Variants in SLC39A11 observed in about 807,000 individuals in gnomAD.
SLC39A11 encodes zinc transporter ZIP11.
Under a neutral mutation model 36.1 loss-of-function variants are expected in SLC39A11, and 33 were observed. That is an observed-to-expected ratio of 0.91 (90% CI 0.69 to 1.22). SLC39A11 has a LOEUF of 1.22. SLC39A11 is among the 50% of genes most tolerant of loss of function. SLC39A11 has a pLI of 0.00. For missense variants in SLC39A11, 432 were observed against 430.3 expected, an observed-to-expected ratio of 1.00 and a Z score of -0.03; for synonymous variants, 166 against 170.3, an observed-to-expected ratio of 0.97 and a Z score of 0.20.
intron 7 of SLC39A11, among the ~76,000 whole-genome samples, chr17:72,674,775 A>G (rs2144216540): frequency 6.6e-6 from 1 of 152,298 alleles, no homozygotes; most frequent in Non-Finnish European, 1.5e-5. Context: ...TACAACTAGC[A>G]TGTTTATAAT....
intron 4 of SLC39A11, among the ~76,000 whole-genome samples, chr17:72,962,933 C>G (rs570575750): frequency 6.6e-6 from 1 of 152,266 alleles, no homozygotes; most frequent in East Asian, 1.9e-4. Flanking sequence ...TTAGCTTCTG[C>G]AAGACCAGCA....
intron 7 of SLC39A11, among the ~76,000 whole-genome samples, chr17:72,652,772 G>A (rs559637656): frequency 1.4e-4 from 21 of 152,220 alleles, no homozygotes; most frequent in Admixed American, 5.9e-4. Flanking sequence ...TCACTCATTT[G>A]CTCTTGTTGA....
intron 7 of SLC39A11, among the ~76,000 whole-genome samples, chr17:72,732,040 CTTTTTTTTTTTTTT>C (rs764728558): frequency 8.6e-4 from 29 of 33,668 alleles, no homozygotes; most frequent in Non-Finnish European, 1.4e-3. Context: ...CTTTTCTTTT[CTTTTTTTTTTTTTT>C]TTTTTTTTTT....
intron 7 of SLC39A11, among the ~76,000 whole-genome samples, chr17:72,715,358 A>G (rs536341328): frequency 6.6e-6 from 1 of 152,356 alleles, no homozygotes; most frequent in Admixed American, 6.5e-5. Flanking sequence ...TCATGTTCAC[A>G]AGCAGCACTA....
chr17:73,073,377 A>G (rs2060223000), intron 3 of SLC39A11, among the ~76,000 whole-genome samples: 2 of 151,568 alleles, frequency 1.3e-5, no homozygotes, highest in Admixed American at 1.3e-4. Flanking sequence ...TTAGAGAGGG[A>G]CCCTCCCCCA....
In SLC39A11 at chr17:72,649,191, A is replaced by T; in HGVS notation, c.749T>A (p.Phe250Tyr). 1 of 1,614,000 alleles carries T rather than the reference A, an allele frequency of 6.2e-7. No individual in the cohort carries two copies. Among genetic ancestry groups the T allele is most frequent in the South Asian group, 1.1e-5 (1 of 91,056 alleles). ...TCACCAGAAAGCTCTCCAGGTGGAG[A>T]AGCCTGCCCCTCGCAAGGGAAGGCT... Reference protein sequence around the residue: ...AVSLPLRGAGFSTWRAFWYGQ... With the variant: ...AVSLPLRGAGYSTWRAFWYGQ... Residue 250 changes from phenylalanine (F) to tyrosine (Y), a missense_variant, in exon 8 of 10, where the codon TTC becomes TAC. Physicochemically the swap from Phe to Tyr is conservative, Grantham distance 22. Coordinates refer to ENST00000255559, the MANE Select transcript of SLC39A11 (RefSeq NM_139177.4).
chr17:72,802,328 G>A (rs11650694), intron 6 of SLC39A11, among the ~76,000 whole-genome samples: 8,242 of 152,212 alleles, frequency 0.054, 263 homozygotes, highest in Non-Finnish European at 0.073. Flanking sequence ...GGTAGTACAT[G>A]CCTGTAATCC....
chr17:72,693,235 C>T lies in SLC39A11; in HGVS notation c.671+43415G>A, dbSNP rs551734051. ...CTGGGCCCACCCACCCTCCCACTGT[C>T]CTCTTGTCCCAGGAAGCTGTGTGAG... is the stretch of plus-strand genomic sequence containing the variant. On this transcript the variant is annotated intron_variant, in intron 7 of 9. Transcript: ENST00000255559. Among the ~76,000 whole-genome samples the T allele has an allele frequency of 1.7e-3, 245 of 142,356 alleles. 1 individual carries two copies. The highest frequency in any genetic ancestry group is 5.6e-3 in the African/African-American group (216 of 38,418). 93.4% of individuals were successfully genotyped at this position (142,356 alleles called of 152,430 possible).
chr17:72,668,144 G>T (rs2070838608), intron 7 of SLC39A11, among the ~76,000 whole-genome samples: 1 of 151,946 alleles, frequency 6.6e-6, no homozygotes, highest in South Asian at 2.1e-4. Flanking sequence ...CAATGTGAAA[G>T]ATTTCTATAA....
At position 72,647,334 on chromosome 17, in the gene SLC39A11, GA is replaced by G. The variant is rs1256042444; in HGVS notation, c.*249del. ...TTCCTTGATAATCCCACTGAAGAGA[GA>G]GTCCATTCAGTGGCCAAAACAAAGA... On this transcript the variant is annotated 3_prime_UTR_variant, in exon 10 of 10. Coordinates refer to ENST00000255559, the MANE Select transcript of SLC39A11 (RefSeq NM_139177.4). 1 of 324,030 alleles carries G rather than the reference GA, an allele frequency of 3.1e-6. No homozygotes were observed. The highest frequency in any genetic ancestry group is 5.7e-6 in the Non-Finnish European group (1 of 175,580). 20.1% of individuals were successfully genotyped at this position (324,030 alleles called of 1,614,324 possible).
At chr17:73,005,476 A>T (rs1245344177) in intron 4 of SLC39A11, among the ~76,000 whole-genome samples, 1 of 152,110 alleles carries the variant, frequency 6.6e-6, no homozygotes, top group Non-Finnish European at 1.5e-5. Context: ...CCCTCTCACA[A>T]TTAATTTGGA....
At chr17:72,990,736 G>C (rs890046734) in intron 4 of SLC39A11, among the ~76,000 whole-genome samples, 4 of 151,990 alleles carry the variant, frequency 2.6e-5, no homozygotes, top group African/African-American at 9.7e-5. Flanking sequence ...CCCATATCAG[G>C]ATTTTCTAAT....
intron 5 of SLC39A11, 70 bp downstream of exon 5, chr17:72,947,682 C>G (rs2085516825): frequency 6.2e-7 from 1 of 1,608,210 alleles, no homozygotes; most frequent in Admixed American, 1.7e-5. Context: ...CACCAGCCCC[C>G]ACGTCCATAT....
At chr17:73,068,620 G>A (rs2060069861) in intron 3 of SLC39A11, among the ~76,000 whole-genome samples, 1 of 152,132 alleles carries the variant, frequency 6.6e-6, no homozygotes, top group Non-Finnish European at 1.5e-5. Flanking sequence ...CAGGGCAGTT[G>A]GCCCCAGACA....
At chr17:73,003,075 G>C (rs1031217857) in intron 4 of SLC39A11, among the ~76,000 whole-genome samples, 1 of 152,194 alleles carries the variant, frequency 6.6e-6, no homozygotes, top group Non-Finnish European at 1.5e-5. Context: ...CCAGAGATTA[G>C]GACCTGAGTA....
rs915797901 is a variant in SLC39A11 at position 72,777,865 on chromosome 17, GTATA to G, written c.602-41150_602-41147del. ...ACACTGTGTGTATGTATGTATGTAT[GTATA>G]TATGTATGTATGTATGTATGTATGT... On this transcript the variant is annotated intron_variant, in intron 6 of 9. Transcript: ENST00000255559. Among the ~76,000 whole-genome samples, 7 of 138,904 alleles carry G rather than the reference GTATA, an allele frequency of 5.0e-5. No homozygotes were observed. The East Asian group carries it at 8.1e-4, about 16-fold the overall frequency. 91.1% of individuals were successfully genotyped at this position (138,904 alleles called of 152,430 possible). A position where few individuals can be genotyped will look rare whatever the true frequency, so the allele number is the denominator to read the frequency against.
chr17:72,756,092 T>C (rs999154882), intron 6 of SLC39A11, among the ~76,000 whole-genome samples: 1 of 152,202 alleles, frequency 6.6e-6, no homozygotes, highest in Non-Finnish European at 1.5e-5. Flanking sequence ...CCTTGAGCAC[T>C]GTTGGTAGGA....
At chr17:72,993,561 A>T (rs1465625239) in intron 4 of SLC39A11, among the ~76,000 whole-genome samples, 1 of 152,186 alleles carries the variant, frequency 6.6e-6, no homozygotes, top group African/African-American at 2.4e-5. Flanking sequence ...AGGCGATTCC[A>T]CTGGATCAAC....
At chr17:73,077,235 C>G (rs892340569) in intron 3 of SLC39A11, among the ~76,000 whole-genome samples, 1 of 152,202 alleles carries the variant, frequency 6.6e-6, no homozygotes, top group Non-Finnish European at 1.5e-5. Flanking sequence ...AACTGTCTCC[C>G]ATATGATGTT....
Sources: gnomAD v4.1 joint callset for allele counts (sites outside exome capture counted in the v4.1 genomes callset) on GRCh38, gnomAD v4.1.1 for gene constraint, MANE v1.5 for transcripts, NCBI Gene and HGNC (gene_info 2026-07-23, HGNC 2026-07-21) for gene names.